Variants in ZNF730 observed in about 807,000 individuals in gnomAD.
ZNF730 encodes putative zinc finger protein 730.
ZNF730 carries 12 observed loss-of-function variants against 12.6 expected under a neutral mutation model. The observed-to-expected ratio is 0.95, with a 90% confidence interval of 0.61 to 1.54. ZNF730 has a LOEUF of 1.54. Among genes scored for constraint, ZNF730 ranks in the 40% most tolerant of loss-of-function variants. ZNF730 has a pLI of 0.00. For missense variants in ZNF730, 643 were observed against 583.5 expected (o/e 1.10, Z -1.05); for synonymous variants, 194 against 195.8 (o/e 0.99, Z 0.08).
Position 23,145,509 on chromosome 19 carries a change from T to C in ZNF730, c.465T>C (p.His155=), listed in dbSNP as rs868526269. The stretch of plus-strand genomic sequence containing the variant: ...GTGACAAATATGTGAAAGTCTTTCA[T>C]AAATTTTCAAATTCAAACAGACATA... The part of the protein sequence containing the change: ...FQCDKYVKVF[H]KFSNSNRHKI... The change falls in exon 4 of 4, where the codon CAT becomes CAC. Residue 155 remains histidine, a synonymous_variant. Coordinates refer to ENST00000597761, the MANE Select transcript of ZNF730 (RefSeq NM_001277403.2). 1 of 1,561,572 alleles carries C rather than the reference T, an allele frequency of 6.4e-7. No homozygotes were observed. Among genetic ancestry groups the C allele is most frequent in the Non-Finnish European group, 8.7e-7 (1 of 1,153,868 alleles).
At chr19:23,138,282 C>CAAAAAAAAAAA (rs1315758966) in intron 3 of ZNF730, among the ~76,000 whole-genome samples, 1 of 9,458 alleles carries the variant, frequency 1.1e-4, no homozygotes, top group African/African-American at 2.6e-4. Context: ...GACTCCGTCT[C>CAAAAAAAAAAA]AAAAAAAAAA....
At chr19:23,120,398 A>G (rs891058971) in intron 1 of ZNF730, among the ~76,000 whole-genome samples, 64 of 151,492 alleles carry the variant, frequency 4.2e-4, no homozygotes, top group African/African-American at 1.5e-3. Context: ...TTGTTCAGTT[A>G]TGGGAAGATG....
chr19:23,109,353 C>A (rs1352316169), intron 1 of ZNF730, among the ~76,000 whole-genome samples: 1 of 151,806 alleles, frequency 6.6e-6, no homozygotes, highest in African/African-American at 2.4e-5. Context: ...CTCAGTCTCT[C>A]AAGTAGCTGG....
intron 3 of ZNF730, among the ~76,000 whole-genome samples, chr19:23,140,607 TAA>T (rs35291458): frequency 1.9e-4 from 24 of 128,852 alleles, no homozygotes; most frequent in Admixed American, 3.3e-4. Flanking sequence ...GACTCGGTCT[TAA>T]AAAAAAAAAA....
chr19:23,093,067 T>C (rs1245485190), intron 1 of ZNF730, among the ~76,000 whole-genome samples: 1 of 152,162 alleles, frequency 6.6e-6, no homozygotes, highest in African/African-American at 2.4e-5. Context: ...TTCAGCTCAC[T>C]GTAACCTCCG....
chr19:23,144,854 A>G (rs1970980476), intron 3 of ZNF730, among the ~76,000 whole-genome samples: 1 of 152,212 alleles, frequency 6.6e-6, no homozygotes, highest in East Asian at 1.9e-4. Flanking sequence ...ACTTTTTGTC[A>G]TAAGAGATAG....
At chr19:23,088,977 ATTC>A (rs1361974213) in intron 1 of ZNF730, among the ~76,000 whole-genome samples, 2 of 151,340 alleles carry the variant, frequency 1.3e-5, no homozygotes, top group African/African-American at 4.9e-5. Flanking sequence ...GGTTCAAGTG[ATTC>A]TTCTTCCTCA....
At chr19:23,077,007 T>TA (rs1003887930) in intron 1 of ZNF730, among the ~76,000 whole-genome samples, 26 of 151,940 alleles carry the variant, frequency 1.7e-4, no homozygotes, top group Non-Finnish European at 3.2e-4. Flanking sequence ...TGTGCAGCTA[T>TA]AAAAAAAATG....
chr19:23,138,419 G>A (rs1970864660), intron 3 of ZNF730, among the ~76,000 whole-genome samples: 1 of 152,194 alleles, frequency 6.6e-6, no homozygotes, highest in Non-Finnish European at 1.5e-5. Flanking sequence ...AGTCATGCAA[G>A]TGCTTCGGGG....
chr19:23,120,050 A>G (rs1970580413), intron 1 of ZNF730, among the ~76,000 whole-genome samples: 1 of 141,386 alleles, frequency 7.1e-6, no homozygotes, highest in South Asian at 2.2e-4. Flanking sequence ...GCTGAAATGC[A>G]GTGGTGGGAT....
rs535293392 is a variant in ZNF730, at chr19:23,089,424, G to T, written c.-94+14037G>T. On this transcript the variant is annotated intron_variant, in intron 1 of 2. Coordinates refer to the ZNF730 transcript ENST00000593635. ...TATTGTTTGATTGAGTCTCCATTCA[G>T]ATCTCAATTTGAATTGTGTTTCCCA... Among the ~76,000 whole-genome samples the T allele has an allele frequency of 7.2e-5, 11 of 152,214 alleles. No homozygotes were observed. In the South Asian group the frequency reaches 2.3e-3, roughly 32 times the overall value.
intron 1 of ZNF730, among the ~76,000 whole-genome samples, chr19:23,122,230 C>G (rs554291688): frequency 4.8e-5 from 7 of 146,002 alleles, no homozygotes; most frequent in African/African-American, 1.7e-4. Flanking sequence ...CAACCTCCAC[C>G]TCCCAGTTCA....
At chr19:23,109,444 T>G (rs1180494134) in intron 1 of ZNF730, among the ~76,000 whole-genome samples, 1 of 151,574 alleles carries the variant, frequency 6.6e-6, no homozygotes, top group Non-Finnish European at 1.5e-5. Context: ...AGTCTCCATC[T>G]GTCACCCAGG....
At chr19:23,100,798 G>A (rs1358520730) in intron 1 of ZNF730, among the ~76,000 whole-genome samples, 1 of 151,812 alleles carries the variant, frequency 6.6e-6, no homozygotes, top group African/African-American at 2.4e-5. Context: ...TGTGATTCCA[G>A]GCACCCGCCA....
rs966372779 is a variant in ZNF730, at chr19:23,083,873, C to A, written c.-94+8486C>A. 3.3e-4 allele frequency among the ~76,000 whole-genome samples: 50 copies of A among 152,062 alleles called. 1 individual carries two copies. Among genetic ancestry groups the A allele is most frequent in the Non-Finnish European group, 1.3e-4 (9 of 68,008 alleles). On this transcript the variant is annotated intron_variant, in intron 1 of 2. Transcript: ENST00000593635. ...TTTTCCTTCATTTTTTAGATTGCCT[C>A]TTCACCCTCATAGTTGTTTCCTTTT...
chr19:23,127,233 A>G (rs1970682440), intron 1 of ZNF730: 7 of 633,668 alleles, frequency 1.1e-5, no homozygotes, highest in Non-Finnish European at 2.1e-5. Flanking sequence ...CCATGTTTTT[A>G]AAGAAATCTT....
intron 1 of ZNF730, among the ~76,000 whole-genome samples, chr19:23,118,692 G>T (rs549306024): frequency 2.0e-5 from 3 of 152,134 alleles, no homozygotes; most frequent in Admixed American, 2.0e-4. Flanking sequence ...GACACATTGC[G>T]GGTCAGCCAA....
chr19:23,091,926 AT>A (rs1416274097), intron 1 of ZNF730, among the ~76,000 whole-genome samples: 3 of 152,112 alleles, frequency 2.0e-5, no homozygotes, highest in African/African-American at 7.2e-5. Context: ...AGGACATGAG[AT>A]TTGGAGGGGC....
At chr19:23,084,360 T>C (rs1290822996) in intron 1 of ZNF730, among the ~76,000 whole-genome samples, 1 of 152,176 alleles carries the variant, frequency 6.6e-6, no homozygotes, top group Non-Finnish European at 1.5e-5. Flanking sequence ...TGCCTTCAGC[T>C]TTGCGCTTTT....
Sources: allele counts gnomAD v4.1 joint callset (sites outside exome capture counted in the v4.1 genomes callset), GRCh38; gene constraint gnomAD v4.1.1; transcripts MANE v1.5; gene names NCBI Gene and HGNC (gene_info 2026-07-23, HGNC 2026-07-21).